The following OR9Q1 variants were observed in gnomAD, a reference collection of about 807,000 sequenced individuals.
The protein encoded by OR9Q1 is olfactory receptor 9Q1.
For missense variants in OR9Q1, 374 were observed against 378.8 expected (o/e 0.99, Z 0.11); for synonymous variants, 153 against 148.6 (o/e 1.03, Z -0.22).
intron 1 of OR9Q1, chr11:58,031,590 C>G (rs763224776): frequency 6.2e-7 from 1 of 1,614,044 alleles, no homozygotes; most frequent in South Asian, 1.1e-5. Flanking sequence ...GTGCTACTGG[C>G]CTCCTCTATG....
intron 2 of OR9Q1, among the ~76,000 whole-genome samples, chr11:58,140,903 T>A (rs1854241691): frequency 6.6e-6 from 1 of 152,240 alleles, no homozygotes. Flanking sequence ...ACGATACTGA[T>A]TCTTCTTACC....
chr11:58,041,244 G>A (rs1277860945), intron 1 of OR9Q1: 1 of 152,948 alleles, frequency 6.5e-6, no homozygotes, highest in Non-Finnish European at 1.5e-5. Context: ...TGGTGCTGAG[G>A]AGGACTGTCC....
At chr11:58,037,689 A>ATATATAGT (rs1853119570) in intron 1 of OR9Q1, among the ~76,000 whole-genome samples, 2 of 6,998 alleles carry the variant, frequency 2.9e-4, no homozygotes, top group Non-Finnish European at 5.3e-4. Flanking sequence ...ATATATATAT[A>ATATATAGT]TTTTTTTTTT....
At chr11:58,025,626 T>C (rs1852966291) in intron 1 of OR9Q1, among the ~76,000 whole-genome samples, 1 of 152,212 alleles carries the variant, frequency 6.6e-6, no homozygotes, top group African/African-American at 2.4e-5. Context: ...GAGTTTCTCA[T>C]TAGACTTGTC....
At chr11:58,164,799 G>GT (rs1013719659) in intron 2 of OR9Q1, among the ~76,000 whole-genome samples, 2 of 152,154 alleles carry the variant, frequency 1.3e-5, no homozygotes, top group Admixed American at 6.5e-5. Context: ...TCGCATGCTT[G>GT]TTTTTTCTGC....
Position 58,023,891 on chromosome 11 carries a change from G to C in OR9Q1, c.-306G>C, listed in dbSNP as rs1852944098. On this transcript the variant is annotated 5_prime_UTR_variant, in exon 1 of 3. Transcript: ENST00000335397. ...GGGCCTCTCTGTTAAGGTGGCCCTT[G>C]TGCAGGGAATTGAAGAAGTGCAGGA... is the stretch of plus-strand genomic sequence containing the variant. The C allele has an allele frequency of 6.6e-6, 1 of 152,214 alleles. No homozygotes were observed. Among genetic ancestry groups the C allele is most frequent in the African/African-American group, 2.4e-5 (1 of 41,456 alleles). The allele number at this position is 152,214 out of a possible 1,614,324, so 9.4% of individuals were successfully genotyped here. A position where few individuals can be genotyped will look rare whatever the true frequency, so the allele number is the denominator to read the frequency against.
chr11:58,043,052 A>G (rs1853181574), intron 1 of OR9Q1, among the ~76,000 whole-genome samples: 1 of 152,192 alleles, frequency 6.6e-6, no homozygotes, highest in Non-Finnish European at 1.5e-5. Context: ...TTGGGCTGAG[A>G]CAATGGGGTT....
At chr11:58,166,018 G>A (rs980412433) in intron 2 of OR9Q1, among the ~76,000 whole-genome samples, 6 of 152,134 alleles carry the variant, frequency 3.9e-5, no homozygotes, top group African/African-American at 1.2e-4. Flanking sequence ...AGGCAGAGAC[G>A]GTGGGTCACC....
chr11:58,050,769 C>A (rs1326723748), intron 1 of OR9Q1, among the ~76,000 whole-genome samples: 2 of 90,422 alleles, frequency 2.2e-5, no homozygotes, highest in Non-Finnish European at 4.6e-5. Flanking sequence ...ACAAACAACC[C>A]CATCAAAAAG....
At chr11:58,031,931 C>T in intron 1 of OR9Q1, 1 of 1,400,916 alleles carries the variant, frequency 7.1e-7, no homozygotes, top group African/African-American at 1.4e-5. Context: ...ACCCAGTTTC[C>T]TTGCCTTGGA....
intron 1 of OR9Q1, among the ~76,000 whole-genome samples, chr11:58,042,045 C>A (rs1015500552): frequency 6.6e-6 from 1 of 152,176 alleles, no homozygotes; most frequent in African/African-American, 2.4e-5. Flanking sequence ...AGGCATCAGC[C>A]AATTTAGTTT....
chr11:58,134,902 TA>T (rs1269689755), intron 2 of OR9Q1, among the ~76,000 whole-genome samples: 1 of 152,184 alleles, frequency 6.6e-6, no homozygotes, highest in Non-Finnish European at 1.5e-5. Flanking sequence ...ATAAATGAAA[TA>T]ATGGGTGCAT....
At chr11:58,141,643 G>T in intron 2 of OR9Q1, among the ~76,000 whole-genome samples, 1 of 152,088 alleles carries the variant, frequency 6.6e-6, no homozygotes, top group East Asian at 1.9e-4. Context: ...GAGGATTTTT[G>T]CATCAATGTT....
At chr11:58,035,305 G>A (rs10792130) in intron 1 of OR9Q1, among the ~76,000 whole-genome samples, 50,536 of 151,918 alleles carry the variant, frequency 0.33, 8,831 homozygotes, top group East Asian at 0.68. Context: ...CACAGTTTTT[G>A]GCACAAACTA....
At chr11:58,124,648 T>A (rs979109838) in intron 2 of OR9Q1, 8 of 152,150 alleles carry the variant, frequency 5.3e-5, no homozygotes, top group Non-Finnish European at 1.0e-4. Flanking sequence ...AACTTGACAA[T>A]AACATAATGA....
intron 1 of OR9Q1, among the ~76,000 whole-genome samples, chr11:58,047,052 C>A (rs1853223830): frequency 6.6e-6 from 1 of 152,182 alleles, no homozygotes; most frequent in Non-Finnish European, 1.5e-5. Context: ...AGTTGACCAT[C>A]TCAGGGTAAA....
At position 58,161,054 on chromosome 11, in the gene OR9Q1, G is replaced by A. The variant is rs369847838; in HGVS notation, c.-14-18377G>A. Among the ~76,000 whole-genome samples the A allele has an allele frequency of 4.0e-5, 6 of 151,374 alleles. No individual in the cohort carries two copies. The East Asian group carries it at 9.8e-4, about 25-fold the overall frequency. ...GAACTTCCAACTCTATGTTGAATAG[G>A]GGACACAGGGCGGGGAACATCACAC... is the stretch of plus-strand genomic sequence containing the variant. On this transcript the variant is annotated intron_variant, in intron 2 of 2. Transcript: ENST00000335397.
intron 2 of OR9Q1, among the ~76,000 whole-genome samples, chr11:58,104,907 C>A (rs927901611): frequency 1.3e-4 from 20 of 152,154 alleles, no homozygotes; most frequent in South Asian, 4.1e-4. Context: ...GCATTGTGAA[C>A]AATAAATAAC....
At chr11:58,031,576 G>T in intron 1 of OR9Q1, 2 of 1,614,010 alleles carry the variant, frequency 1.2e-6, no homozygotes, top group Non-Finnish European at 1.7e-6. Flanking sequence ...TGGTGTCTCT[G>T]GCTGTGCTAC....
Sources: gnomAD v4.1 joint callset for allele counts (sites outside exome capture counted in the v4.1 genomes callset) on GRCh38, gnomAD v4.1.1 for gene constraint, MANE v1.5 for transcripts, NCBI Gene and HGNC (gene_info 2026-07-23, HGNC 2026-07-21) for gene names.